CNTNAP2: variants seen among roughly 807,000 people sequenced by gnomAD.
The protein encoded by CNTNAP2 is contactin-associated protein-like 2.
A neutral mutation model predicts 155.2 loss-of-function variants in CNTNAP2; 98 were observed. The ratio of observed to expected loss-of-function variants is 0.63; its 90% CI spans 0.54 to 0.75. CNTNAP2 has a LOEUF of 0.75. CNTNAP2 is among the 30% of genes least tolerant of loss of function. The pLI is 0.00. For synonymous variants in CNTNAP2, 651 were observed against 631.2 expected, an observed-to-expected ratio of 1.03 and a Z score of -0.47; for missense variants, 1,727 against 1,688.1, an observed-to-expected ratio of 1.02 and a Z score of -0.40.
chr7:148,322,218 C>T (rs896244226), intron 21 of CNTNAP2, among the ~76,000 whole-genome samples: 4 of 152,188 alleles, frequency 2.6e-5, no homozygotes, highest in African/African-American at 7.2e-5. Flanking sequence ...CCACCGCACC[C>T]AGCCAAGAAC....
rs57422437 is a variant in CNTNAP2 at position 147,949,440 on chromosome 7, G to GTATATATATA, written c.2256-28412_2256-28403dup. 1.4e-4 allele frequency among the ~76,000 whole-genome samples: 18 copies of GTATATATATA among 127,400 alleles called. 1 individual carries two copies. The South Asian group carries it at 1.7e-3, about 12-fold the overall frequency. The allele number at this position is 127,400 out of a possible 152,430, so 83.6% of individuals were successfully genotyped here. A position where few individuals can be genotyped will look rare whatever the true frequency, so the allele number is the denominator to read the frequency against. ...TGTGTTGTTCAAGGATCAACTGTGT[G>GTATATATATA]TATATATATATATATATATTTTTTT... On this transcript the variant is annotated intron_variant, in intron 14 of 23. Transcript: ENST00000361727.
chr7:147,726,406 G>A (rs12531096), intron 13 of CNTNAP2, among the ~76,000 whole-genome samples: 1,699 of 152,064 alleles, frequency 0.011, 93 homozygotes, highest in Admixed American at 0.087. Context: ...AGGGTTGGTA[G>A]GAGGAAAATG....
At chr7:146,739,340 TTG>T in intron 1 of CNTNAP2, among the ~76,000 whole-genome samples, 1 of 152,104 alleles carries the variant, frequency 6.6e-6, no homozygotes, top group African/African-American at 2.4e-5. Context: ...TTTTGGTATT[TTG>T]TGTTTCCATT....
At chr7:146,302,642 C>T (rs552253665) in intron 1 of CNTNAP2, among the ~76,000 whole-genome samples, 25 of 152,114 alleles carry the variant, frequency 1.6e-4, no homozygotes, top group South Asian at 2.1e-4. Flanking sequence ...CGTTAGAGGC[C>T]GAACTCTTAA....
At chr7:147,809,680 T>G (rs1229245282) in intron 13 of CNTNAP2, among the ~76,000 whole-genome samples, 1 of 152,244 alleles carries the variant, frequency 6.6e-6, no homozygotes, top group Non-Finnish European at 1.5e-5. Flanking sequence ...AGTTATTGGC[T>G]CCACAACTAG....
chr7:147,282,465 C>G (rs774784134), intron 8 of CNTNAP2, among the ~76,000 whole-genome samples: 6 of 151,696 alleles, frequency 4.0e-5, no homozygotes, highest in Non-Finnish European at 7.4e-5. Context: ...TAATTTAAGC[C>G]ATGACAGTGG....
At chr7:147,072,848 C>CTTTTTT (rs71165064) in intron 4 of CNTNAP2, among the ~76,000 whole-genome samples, 28 of 93,614 alleles carry the variant, frequency 3.0e-4, no homozygotes, top group Admixed American at 4.9e-4. Context: ...TTCCTTTATT[C>CTTTTTT]TTTTTTTTTT....
chr7:147,176,146 A>AT (rs1490180846), intron 8 of CNTNAP2, among the ~76,000 whole-genome samples: 1 of 152,168 alleles, frequency 6.6e-6, no homozygotes, highest in Non-Finnish European at 1.5e-5. Flanking sequence ...ATTCGGTTTA[A>AT]TGAGGACCTT....
chr7:146,647,014 T>C (rs1297722456), intron 1 of CNTNAP2, among the ~76,000 whole-genome samples: 3 of 152,166 alleles, frequency 2.0e-5, no homozygotes, highest in Non-Finnish European at 4.4e-5. Context: ...GGGCACAATA[T>C]CAATGGTCAC....
At chr7:148,286,942 G>A (rs1236043476) in intron 21 of CNTNAP2, among the ~76,000 whole-genome samples, 2 of 152,080 alleles carry the variant, frequency 1.3e-5, no homozygotes, top group East Asian at 3.8e-4. Flanking sequence ...GCCACACATA[G>A]TACCCTAATA....
intron 9 of CNTNAP2, among the ~76,000 whole-genome samples, chr7:147,326,456 C>T (rs999017274): frequency 1.3e-5 from 2 of 152,136 alleles, no homozygotes; most frequent in African/African-American, 2.4e-5. Flanking sequence ...TGAACATTTG[C>T]GGTGTTTCTG....
intron 8 of CNTNAP2, among the ~76,000 whole-genome samples, chr7:147,149,035 C>G (rs927000204): frequency 6.6e-6 from 1 of 152,094 alleles, no homozygotes; most frequent in African/African-American, 2.4e-5. Context: ...AGCAAGTTGC[C>G]GCTGCTGGCT....
chr7:146,387,393 T>C (rs1795476454), intron 1 of CNTNAP2, among the ~76,000 whole-genome samples: 1 of 152,158 alleles, frequency 6.6e-6, no homozygotes, highest in African/African-American at 2.4e-5. Flanking sequence ...CTACTCCCCT[T>C]CAGCCCTAGA....
chr7:147,311,980 A>T (rs1374733194), intron 9 of CNTNAP2, among the ~76,000 whole-genome samples: 1 of 151,546 alleles, frequency 6.6e-6, no homozygotes, highest in Non-Finnish European at 1.5e-5. Context: ...ATTTATTATT[A>T]TTTACATGTC....
chr7:146,899,609 G>C (rs1795951243), intron 3 of CNTNAP2, among the ~76,000 whole-genome samples: 1 of 152,154 alleles, frequency 6.6e-6, no homozygotes. Flanking sequence ...AGAGAATGCA[G>C]AATAGTCAGT....
chr7:146,235,952 ATGTGTGTGTG>A (rs34046295), intron 1 of CNTNAP2, among the ~76,000 whole-genome samples: 177 of 149,508 alleles, frequency 1.2e-3, no homozygotes, highest in African/African-American at 4.2e-3. Flanking sequence ...ACATATGGAA[ATGTGTGTGTG>A]TGTGTGTGTG....
intron 14 of CNTNAP2, among the ~76,000 whole-genome samples, chr7:147,973,557 G>T (rs1212213020): frequency 6.6e-6 from 1 of 152,002 alleles, no homozygotes. Flanking sequence ...TGCTTAGTAT[G>T]GTATATTGAT....
At chr7:146,919,160 T>C (rs998610806) in intron 3 of CNTNAP2, among the ~76,000 whole-genome samples, 3 of 152,236 alleles carry the variant, frequency 2.0e-5, no homozygotes, top group Admixed American at 2.0e-4. Context: ...GCTTAATAGT[T>C]GACCTTCTGA....
intron 21 of CNTNAP2, among the ~76,000 whole-genome samples, chr7:148,345,316 C>T (rs1043587311): frequency 1.3e-5 from 2 of 151,896 alleles, no homozygotes; most frequent in Admixed American, 6.6e-5. Flanking sequence ...AGCATCTGGA[C>T]GAATACTGAG....
Sources: allele counts gnomAD v4.1 joint callset (sites outside exome capture counted in the v4.1 genomes callset), GRCh38; gene constraint gnomAD v4.1.1; transcripts MANE v1.5; gene names NCBI Gene and HGNC (gene_info 2026-07-23, HGNC 2026-07-21).